Variants in FAM184B observed in about 807,000 individuals in gnomAD.
The protein encoded by FAM184B is family with sequence similarity 184 member B.
Under a neutral mutation model 135.9 loss-of-function variants are expected in FAM184B, and 111 were observed. That is an observed-to-expected ratio of 0.82 (90% CI 0.70 to 0.96). The LOEUF is 0.96. FAM184B is among the 40% of genes least tolerant of loss of function. The pLI is 0.00. For missense variants in FAM184B, 1,375 were observed against 1,323.9 expected (o/e 1.04, Z -0.60); for synonymous variants, 552 against 524.8 (o/e 1.05, Z -0.71).
At position 17,712,685 on chromosome 4, in the gene FAM184B, C is replaced by T. The variant is rs537965350; in HGVS notation, c.142-3041G>A. On this transcript the variant is annotated intron_variant, in intron 1 of 17. Transcript: ENST00000265018. ...TGGGGGAGGCTGAGCAAGTGGGGAG[C>T]CCCCTATCAACCATGGAAGAGCTTT... Among the ~76,000 whole-genome samples, 4 of 152,186 alleles carry T rather than the reference C, an allele frequency of 2.6e-5. No homozygotes were observed. The South Asian group carries it at 8.3e-4, about 32-fold the overall frequency.
chr4:17,641,700 A>G (rs1296685163), intron 13 of FAM184B, among the ~76,000 whole-genome samples: 2 of 115,704 alleles, frequency 1.7e-5, no homozygotes, highest in East Asian at 2.7e-4. Flanking sequence ...GGGTTTCATC[A>G]TGTTGTCCAG....
chr4:17,654,451 G>T (rs74965747), intron 10 of FAM184B, among the ~76,000 whole-genome samples: 2,503 of 152,278 alleles, frequency 0.016, 66 homozygotes, highest in African/African-American at 0.057. Context: ...CCGAAGTGTT[G>T]AGATTGCAGG....
intron 1 of FAM184B, among the ~76,000 whole-genome samples, chr4:17,711,548 A>G (rs1267285993): frequency 6.6e-6 from 1 of 151,872 alleles, no homozygotes. Context: ...CTGTGGTCTC[A>G]GTTACTTGGG....
At chr4:17,748,457 C>G (rs1338440157) in intron 1 of FAM184B, among the ~76,000 whole-genome samples, 2 of 150,234 alleles carry the variant, frequency 1.3e-5, no homozygotes, top group East Asian at 3.9e-4. Context: ...AATGGTTGTC[C>G]TTGGATTTGA....
intron 7 of FAM184B, among the ~76,000 whole-genome samples, chr4:17,669,409 A>C (rs1033762726): frequency 6.6e-6 from 1 of 152,254 alleles, no homozygotes; most frequent in African/African-American, 2.4e-5. Context: ...CATGGTGAAC[A>C]TGGAAGAAAA....
At chr4:17,774,357 G>C (rs917686469) in intron 1 of FAM184B, among the ~76,000 whole-genome samples, 10 of 152,022 alleles carry the variant, frequency 6.6e-5, no homozygotes, top group Non-Finnish European at 4.4e-5. Flanking sequence ...AACAGAGCCA[G>C]ACCCTGTCTC....
At chr4:17,754,583 A>T (rs571547446) in intron 1 of FAM184B, among the ~76,000 whole-genome samples, 41 of 140,500 alleles carry the variant, frequency 2.9e-4, no homozygotes, top group African/African-American at 1.3e-3. Context: ...TAAAAGAAAG[A>T]AAAAGAAACT....
chr4:17,694,578 T>G (rs942715014), intron 5 of FAM184B, among the ~76,000 whole-genome samples: 10 of 152,178 alleles, frequency 6.6e-5, no homozygotes, highest in Non-Finnish European at 1.5e-5. Context: ...GCTTAATTTC[T>G]GTGGAAATTG....
chr4:17,765,905 G>A (rs190651164), intron 1 of FAM184B, among the ~76,000 whole-genome samples: 20 of 152,144 alleles, frequency 1.3e-4, no homozygotes, highest in African/African-American at 3.4e-4. Context: ...AGACCTTCGC[G>A]GTGGTGAGTG....
intron 12 of FAM184B, among the ~76,000 whole-genome samples, chr4:17,642,931 C>A (rs1002359817): frequency 2.7e-5 from 4 of 148,716 alleles, no homozygotes; most frequent in African/African-American, 1.0e-4. Flanking sequence ...CAAACATGCC[C>A]GACCACTTGT....
At chr4:17,719,754 T>C (rs773611838) in intron 1 of FAM184B, among the ~76,000 whole-genome samples, 11 of 152,226 alleles carry the variant, frequency 7.2e-5, no homozygotes, top group Non-Finnish European at 2.9e-5. Flanking sequence ...ATAACCATTG[T>C]TACTAATTTC....
At position 17,647,776 on chromosome 4, in the gene FAM184B, T is replaced by C. The variant is rs1715509860; in HGVS notation, c.2207A>G (p.Glu736Gly). 2 of 1,550,316 alleles carry C rather than the reference T, an allele frequency of 1.3e-6. No individual in the cohort carries two copies. Among genetic ancestry groups the C allele is most frequent in the South Asian group, 1.2e-5 (1 of 84,026 alleles). ...QALLLESLRQ[E>G]LSEQQAACSG... ...ACAGGCAGCTTGCTGCTCCGACAGCTCCTGTCTGAGCGACTCTGGAAAAGG... is the reference window on the plus strand; with the variant it reads ...ACAGGCAGCTTGCTGCTCCGACAGCCCCTGTCTGAGCGACTCTGGAAAAGG... The change falls in exon 12 of 18, where the codon GAG (glutamate) becomes GGG (glycine). Residue 736 changes from glutamate (E) to glycine (G), a missense_variant. By Grantham distance (98) the Glu-to-Gly change is moderately conservative (BLOSUM62 -2). Coordinates refer to ENST00000265018, the MANE Select transcript of FAM184B (RefSeq NM_015688.2).
chr4:17,763,146 A>T (rs114700057), intron 1 of FAM184B, among the ~76,000 whole-genome samples: 1,912 of 152,172 alleles, frequency 0.013, 26 homozygotes, highest in Non-Finnish European at 0.019. Flanking sequence ...GCAAGGTCCG[A>T]TCATGCCTTG....
At chr4:17,649,190 G>A (rs573758814) in intron 11 of FAM184B, among the ~76,000 whole-genome samples, 1 of 152,276 alleles carries the variant, frequency 6.6e-6, no homozygotes, top group Admixed American at 6.5e-5. Flanking sequence ...GGTGATAAAA[G>A]TGTATTCATT....
In FAM184B at chr4:17,658,560, G is replaced by A; in HGVS notation, c.1827C>T (p.Val609=). The part of the protein sequence containing the change: ...QSQKAKLQAQ[V]SQMQQALEQC... ...GCTCCAGAGCCTGCTGCATCTGTGA[G>A]ACCTGCGCACAAGGCATCCTGCCCT... Residue 609 remains valine (V), a splice_region_variant and synonymous_variant, in exon 10 of 18, where the codon GTC becomes GTT. Coordinates refer to ENST00000265018, the MANE Select transcript of FAM184B (RefSeq NM_015688.2). 6.4e-7 allele frequency: 1 copy of A among 1,550,604 alleles called. No individual in the cohort carries two copies.
chr4:17,752,730 T>A (rs1718330738), intron 1 of FAM184B, among the ~76,000 whole-genome samples: 2 of 152,208 alleles, frequency 1.3e-5, no homozygotes, highest in East Asian at 1.9e-4. Flanking sequence ...GTCAGATATG[T>A]AAATGAGAAC....
At chr4:17,639,725 C>G (rs2108929145) in intron 13 of FAM184B, among the ~76,000 whole-genome samples, 1 of 152,154 alleles carries the variant, frequency 6.6e-6, no homozygotes, top group Non-Finnish European at 1.5e-5. Flanking sequence ...GGCGGGGAGG[C>G]AAGAGGCTGA....
At chr4:17,649,633 TAA>T (rs1385204562) in intron 11 of FAM184B, among the ~76,000 whole-genome samples, 1 of 151,570 alleles carries the variant, frequency 6.6e-6, no homozygotes, top group Non-Finnish European at 1.5e-5. Flanking sequence ...AGAATTTTGA[TAA>T]AGTGATTTCT....
At chr4:17,658,867 C>T (rs765424195) in intron 9 of FAM184B, among the ~76,000 whole-genome samples, 5 of 152,004 alleles carry the variant, frequency 3.3e-5, no homozygotes, top group Admixed American at 2.0e-4. Flanking sequence ...AGGTGCTGCT[C>T]GAATCTGGCT....
Sources: allele counts gnomAD v4.1 joint callset (sites outside exome capture counted in the v4.1 genomes callset), GRCh38; gene constraint gnomAD v4.1.1; transcripts MANE v1.5; gene names NCBI Gene and HGNC (gene_info 2026-07-23, HGNC 2026-07-21).